SMARCA2: variants seen among roughly 807,000 people sequenced by gnomAD.
SMARCA2 encodes the protein SWI/SNF-related matrix-associated actin-dependent regulator of chromatin subfamily A member 2.
SMARCA2 carries 61 observed loss-of-function variants against 199.8 expected under a neutral mutation model. The ratio of observed to expected loss-of-function variants is 0.31; its 90% CI spans 0.25 to 0.38. The LOEUF is 0.38. Among genes scored for constraint, SMARCA2 ranks in the 10% least tolerant of loss-of-function variants. The probability of loss-of-function intolerance (pLI) is 1.00; values close to 1 mark genes in which losing one functional copy is unlikely to be tolerated. For missense variants in SMARCA2, 1,344 were observed against 2,012.2 expected, an observed-to-expected ratio of 0.67 and a Z score of 6.35; for synonymous variants, 935 against 732.0, an observed-to-expected ratio of 1.28 and a Z score of -4.48.
intron 8 of SMARCA2, 136 bp downstream of exon 8, chr9:2,058,600 T>A: frequency 1.4e-6 from 1 of 731,862 alleles, no homozygotes; most frequent in Non-Finnish European, 2.2e-6. Flanking sequence ...CTTTGAACCT[T>A]AGGGAGATGA....
chr9:2,099,004 G>A (rs1469099483), intron 21 of SMARCA2, among the ~76,000 whole-genome samples: 1 of 151,966 alleles, frequency 6.6e-6, no homozygotes, highest in Non-Finnish European at 1.5e-5. Context: ...GATTGCAATG[G>A]CCAAAAATGA....
rs539709649 is a variant in SMARCA2 at position 2,022,954 on chromosome 9, T to C, written c.-36-6033T>C. ...CTGTGATTACCTTTATAACTACTAA[T>C]GGACATGAGTCTCAGAGTAGAGGAT... On this transcript the variant is annotated intron_variant, in intron 1 of 33. Transcript: ENST00000349721. 2.2e-3 allele frequency among the ~76,000 whole-genome samples: 334 copies of C among 152,350 alleles called. 3 individuals are homozygous for C. Among genetic ancestry groups the C allele is most frequent in the African/African-American group, 7.6e-3 (316 of 41,584 alleles).
chr9:2,158,902 G>A (rs1476768002), intron 27 of SMARCA2: 5 of 1,604,600 alleles, frequency 3.1e-6, no homozygotes, highest in Non-Finnish European at 4.3e-6. Flanking sequence ...GATGTGTTTG[G>A]GGTCTTTGGG....
chr9:2,072,720 A>G (rs954779191), intron 10 of SMARCA2, among the ~76,000 whole-genome samples: 1 of 152,220 alleles, frequency 6.6e-6, no homozygotes, highest in African/African-American at 2.4e-5. Flanking sequence ...TAAAAAGGGA[A>G]TGTATTGATA....
chr9:2,103,152 A>C (rs574173843), intron 22 of SMARCA2, among the ~76,000 whole-genome samples: 1 of 152,158 alleles, frequency 6.6e-6, no homozygotes, highest in Admixed American at 6.5e-5. Flanking sequence ...GTCACCTCTG[A>C]CACTCTAAAC....
chr9:2,154,892 A>G (rs529904765), intron 27 of SMARCA2, among the ~76,000 whole-genome samples: 4 of 152,340 alleles, frequency 2.6e-5, no homozygotes, highest in African/African-American at 7.2e-5. Flanking sequence ...GCCCTGCTCA[A>G]CAGACAAGCG....
intron 12 of SMARCA2, among the ~76,000 whole-genome samples, chr9:2,074,273 C>T (rs34391538): frequency 0.21 from 32,154 of 151,810 alleles, 3,586 homozygotes; most frequent in East Asian, 0.3. Flanking sequence ...TTAAATCAGC[C>T]ACAAAATGTT....
At chr9:2,152,580 A>G (rs1219074876) in intron 27 of SMARCA2, among the ~76,000 whole-genome samples, 1 of 150,768 alleles carries the variant, frequency 6.6e-6, no homozygotes, top group Admixed American at 6.6e-5. Flanking sequence ...GGTCGGGTGC[A>G]TTGGCTCACA....
chr9:2,175,738 ATAAGAG>A (rs1271410187), intron 29 of SMARCA2, among the ~76,000 whole-genome samples: 6 of 152,320 alleles, frequency 3.9e-5, no homozygotes, highest in East Asian at 1.9e-4. Context: ...ATTTTGGTGA[ATAAGAG>A]TAAATTATTA....
At position 2,039,817 on chromosome 9, in the gene SMARCA2, A is replaced by AACAGCAGCC. The variant is rs1554615483; in HGVS notation, c.708_716dup (p.Pro239_Gln241dup). ...CAGCAGCAGCAGCAGCAGCAGCAGC[A>AACAGCAGCC]ACAGCAGCCGCAGCAGCAGCCGCCG... On this transcript the variant is annotated inframe_insertion, in exon 4 of 34. Transcript: ENST00000349721. The surrounding 1 kb of genome is among the most constrained non-coding windows in gnomAD (Gnocchi z 4.8). The AACAGCAGCC allele has an allele frequency of 1.2e-6, 2 of 1,606,986 alleles. No individual in the cohort carries two copies. The highest frequency in any genetic ancestry group is 2.2e-5 in the South Asian group (2 of 90,274).
intron 27 of SMARCA2, among the ~76,000 whole-genome samples, chr9:2,144,328 T>C (rs1051588135): frequency 6.6e-6 from 1 of 152,152 alleles, no homozygotes; most frequent in Non-Finnish European, 1.5e-5. Context: ...TTAAACTTTC[T>C]TGGCCAGATG....
chr9:2,045,409 C>T (rs1819793619), intron 4 of SMARCA2: 2 of 152,076 alleles, frequency 1.3e-5, no homozygotes, highest in African/African-American at 4.8e-5. Flanking sequence ...CCTAGAGCAA[C>T]CCAAATGAAA....
intron 13 of SMARCA2, among the ~76,000 whole-genome samples, chr9:2,076,788 C>A (rs891668956): frequency 4.6e-5 from 7 of 152,062 alleles, no homozygotes; most frequent in Non-Finnish European, 1.0e-4. Context: ...CCAAGTTGAC[C>A]ACCAACTCTC....
chr9:2,159,762 C>T (rs1444791958), intron 27 of SMARCA2: 1 of 1,555,240 alleles, frequency 6.4e-7, no homozygotes, highest in African/African-American at 1.4e-5. Context: ...AATAAAATTA[C>T]TTGTATATGA....
rs774779669 is a variant in SMARCA2, at chr9:2,104,346, C to T, written c.3292+177C>T. Among the ~76,000 whole-genome samples the T allele has an allele frequency of 6.6e-6, 1 of 152,120 alleles. No individual in the cohort carries two copies. Among genetic ancestry groups the T allele is most frequent in the Non-Finnish European group, 1.5e-5 (1 of 68,034 alleles). ...CATCCTTAAGCTTTAAATAAGCTGA[C>T]CTCATTTGTGCAGCTGCATAGCCCA... On this transcript the variant is annotated intron_variant, in intron 23 of 33. Transcript: ENST00000349721. The surrounding 1 kb of genome is among the most constrained non-coding windows in gnomAD (Gnocchi z 4.0).
chr9:2,129,156 T>C (rs1260080398), intron 27 of SMARCA2, among the ~76,000 whole-genome samples: 4 of 152,210 alleles, frequency 2.6e-5, no homozygotes, highest in African/African-American at 7.2e-5. Flanking sequence ...CTGTGGCTCA[T>C]GCCTGTAATC....
rs911010841 is a variant in SMARCA2 at position 2,017,699 on chromosome 9, G to C, written c.-37+2295G>C. The C allele has an allele frequency of 2.0e-5, 3 of 152,148 alleles. No homozygotes were observed. Among genetic ancestry groups the C allele is most frequent in the African/African-American group, 4.8e-5 (2 of 41,446 alleles). The allele number at this position is 152,148 out of a possible 1,614,324, so 9.4% of individuals were successfully genotyped here. On this transcript the variant is annotated intron_variant, in intron 1 of 33. Transcript: ENST00000349721. The surrounding 1 kb of genome is among the most constrained non-coding windows in gnomAD (Gnocchi z 8.8). ...GGGGCCGGGCCGCGGGCTGTGGCGC[G>C]GGCCTAGAGCCGCGGCTCGGAGACC...
chr9:2,141,169 C>A (rs1272204667), intron 27 of SMARCA2, among the ~76,000 whole-genome samples: 1 of 123,196 alleles, frequency 8.1e-6, no homozygotes, highest in Admixed American at 8.0e-5. Flanking sequence ...TTTTCCTGAG[C>A]CAAATTAGAC....
intron 4 of SMARCA2, chr9:2,041,900 CAT>C (rs1819621536): frequency 6.6e-6 from 1 of 152,312 alleles, no homozygotes; most frequent in Non-Finnish European, 1.5e-5. Context: ...CTGGCCTACT[CAT>C]GTGCCATTCT....
Sources: gnomAD v4.1 joint callset for allele counts (sites outside exome capture counted in the v4.1 genomes callset) on GRCh38, gnomAD v4.1.1 for gene constraint, Gnocchi (gnomAD v3.1) non-coding constraint, MANE v1.5 for transcripts, NCBI Gene and HGNC (gene_info 2026-07-23, HGNC 2026-07-21) for gene names.